SFXN4: variants seen among roughly 807,000 people sequenced by gnomAD.
The protein encoded by SFXN4 is sideroflexin 4.
In SFXN4, 48 loss-of-function variants were observed where a neutral mutation model predicts 54.6. The ratio of observed to expected loss-of-function variants is 0.88; its 90% confidence interval spans 0.70 to 1.12. The LOEUF (loss-of-function observed/expected upper bound fraction) is 1.12, where lower values mean the gene tolerates loss of function less well. Among genes scored for constraint, SFXN4 ranks in the 50% most tolerant of loss-of-function variants. The pLI is 0.00. For missense variants in SFXN4, 383 were observed against 409.2 expected, an observed-to-expected ratio of 0.94 and a Z score of 0.55; for synonymous variants, 130 against 145.5, an observed-to-expected ratio of 0.89 and a Z score of 0.77.
intron 3 of SFXN4, among the ~76,000 whole-genome samples, chr10:119,161,580 T>A (rs1285568131): frequency 6.6e-6 from 1 of 151,686 alleles, no homozygotes; most frequent in East Asian, 1.9e-4. Context: ...CAAATCAAAA[T>A]AAATGGATCA....
chr10:119,160,238 G>C (rs1003463320), intron 5 of SFXN4, among the ~76,000 whole-genome samples: 1 of 152,150 alleles, frequency 6.6e-6, no homozygotes, highest in Non-Finnish European at 1.5e-5. Flanking sequence ...GCCAGGCACA[G>C]TGGCTCACGC....
intron 11 of SFXN4, among the ~76,000 whole-genome samples, chr10:119,148,865 G>A (rs1302198076): frequency 6.6e-6 from 1 of 151,962 alleles, no homozygotes; most frequent in African/African-American, 2.4e-5. Flanking sequence ...GACAGCTCAC[G>A]TTAACTTTTT....
chr10:119,158,969 CA>C (rs1847397062), intron 6 of SFXN4, among the ~76,000 whole-genome samples: 1 of 151,884 alleles, frequency 6.6e-6, no homozygotes, highest in African/African-American at 2.4e-5. Context: ...GGCAACAGAG[CA>C]AGACCCTATT....
At chr10:119,142,395 G>C (rs1469564796) in intron 13 of SFXN4, among the ~76,000 whole-genome samples, 1 of 151,904 alleles carries the variant, frequency 6.6e-6, no homozygotes, top group African/African-American at 2.4e-5. Context: ...AAATGATAAA[G>C]ACCTTATCAT....
At chr10:119,146,154 A>C in intron 13 of SFXN4, 82 bp downstream of exon 13, 1 of 792,006 alleles carries the variant, frequency 1.3e-6, no homozygotes. Context: ...AACTTTGCAG[A>C]GTTTTAAGAA....
chr10:119,165,609 C>G lies in SFXN4; in HGVS notation c.39G>C (p.Arg13=), dbSNP rs201492747. The part of the protein sequence containing the change: ...LEQEEETQPG[R]LLGRRDAVPA... ...GGACGGCGTCTCTGCGTCCTAGGAG[C>G]CGCCCAGGTTGCGTTTCCTCCTCCT... Residue 13 remains arginine (R), a synonymous_variant, in exon 1 of 14, where the codon CGG becomes CGC. Transcript: ENST00000355697. 112 of 1,593,456 alleles carry G rather than the reference C, an allele frequency of 7.0e-5. No individual in the cohort carries two copies. Among genetic ancestry groups the G allele is most frequent in the Non-Finnish European group, 8.7e-5 (102 of 1,171,892 alleles).
At position 119,159,768 on chromosome 10, in the gene SFXN4, A is replaced by T; in HGVS notation, c.335-15T>A. ...AGGCAGGAACGCTGGCAGGAAGAGA[A>T]GAGAGGAGGTGTCAGTGATCACAGT... is the stretch of plus-strand genomic sequence containing the variant. On this transcript the variant is annotated splice_polypyrimidine_tract_variant and intron_variant, in intron 5 of 13. Transcript: ENST00000355697. The T allele has an allele frequency of 1.2e-6, 2 of 1,614,074 alleles. No individual in the cohort carries two copies. Among genetic ancestry groups the T allele is most frequent in the Non-Finnish European group, 8.5e-7 (1 of 1,179,994 alleles).
intron 6 of SFXN4, among the ~76,000 whole-genome samples, chr10:119,159,356 C>G (rs1220966744): frequency 6.6e-6 from 1 of 152,172 alleles, no homozygotes; most frequent in African/African-American, 2.4e-5. Flanking sequence ...AGGGACAATG[C>G]CAGGTCCCAG....
At chr10:119,153,632 C>T (rs1285426656) in intron 11 of SFXN4, among the ~76,000 whole-genome samples, 2 of 152,168 alleles carry the variant, frequency 1.3e-5, no homozygotes, top group African/African-American at 4.8e-5. Context: ...CCACTGACCT[C>T]TGTAAGTGCA....
In SFXN4 at chr10:119,165,676, C is replaced by G; in HGVS notation, c.-29G>C. 1 of 1,512,686 alleles carries G rather than the reference C, an allele frequency of 6.6e-7. No individual in the cohort carries two copies. The highest frequency in any genetic ancestry group is 8.8e-7 in the Non-Finnish European group (1 of 1,134,108). The allele number at this position is 1,512,686 out of a possible 1,614,324, so 93.7% of individuals were successfully genotyped here. A position where few individuals can be genotyped will look rare whatever the true frequency, so the allele number is the denominator to read the frequency against. On this transcript the variant is annotated 5_prime_UTR_variant, in exon 1 of 14. Coordinates refer to ENST00000355697, the MANE Select transcript of SFXN4 (RefSeq NM_213649.2). ...GCGCTGGTTAGAGTGGCCGCCGCCG[C>G]CAGGCCGCGCGTGGAGGAGGAGCCG... is the stretch of plus-strand genomic sequence containing the variant.
At chr10:119,143,926 TTC>T (rs1312667110) in intron 13 of SFXN4, among the ~76,000 whole-genome samples, 2 of 152,150 alleles carry the variant, frequency 1.3e-5, no homozygotes, top group African/African-American at 4.8e-5. Flanking sequence ...TGAAATTTTA[TTC>T]TGAGATGCTG....
intron 12 of SFXN4, among the ~76,000 whole-genome samples, chr10:119,146,961 G>T (rs980131870): frequency 1.4e-4 from 22 of 152,172 alleles, no homozygotes; most frequent in African/African-American, 5.3e-4. Context: ...CCCCAGGCAT[G>T]CGACCTAACT....
At chr10:119,164,758 C>T (rs1283649669) in intron 1 of SFXN4, among the ~76,000 whole-genome samples, 1 of 152,042 alleles carries the variant, frequency 6.6e-6, no homozygotes, top group Non-Finnish European at 1.5e-5. Context: ...ACCGCCCCTT[C>T]TCAATTTCCC....
chr10:119,163,899 G>T (rs1320821215), intron 2 of SFXN4, among the ~76,000 whole-genome samples: 2 of 151,926 alleles, frequency 1.3e-5, no homozygotes, highest in African/African-American at 2.4e-5. Context: ...AATTAGCCGG[G>T]CATGGTGGCG....
intron 12 of SFXN4, 47 bp from the exon 13 acceptor site, chr10:119,146,400 G>T: frequency 2.5e-6 from 3 of 1,194,414 alleles, no homozygotes; most frequent in African/African-American, 1.5e-5. Flanking sequence ...AACTATCAGG[G>T]CTTATTTTCT....
At chr10:119,161,926 G>A (rs1847566537) in intron 3 of SFXN4, among the ~76,000 whole-genome samples, 1 of 152,214 alleles carries the variant, frequency 6.6e-6, no homozygotes, top group African/African-American at 2.4e-5. Flanking sequence ...CATACTGCAA[G>A]GTAGATAAGG....
intron 11 of SFXN4, among the ~76,000 whole-genome samples, chr10:119,154,660 C>T (rs560210988): frequency 2.0e-5 from 3 of 152,044 alleles, no homozygotes; most frequent in East Asian, 1.9e-4. Flanking sequence ...GGTGAAACCC[C>T]GTCTCTATTA....
intron 13 of SFXN4, among the ~76,000 whole-genome samples, chr10:119,145,181 A>G (rs1337813049): frequency 6.6e-6 from 1 of 152,184 alleles, no homozygotes; most frequent in East Asian, 1.9e-4. Flanking sequence ...CCCCTGAGAC[A>G]GCAAGACCAA....
intron 3 of SFXN4, 66 bp from the exon 4 acceptor site, chr10:119,161,147 C>G: frequency 6.5e-7 from 1 of 1,548,636 alleles, no homozygotes; most frequent in South Asian, 1.1e-5. Flanking sequence ...AGGTCTTGCT[C>G]TGTCACCCAG....
Sources: allele counts gnomAD v4.1 joint callset (sites outside exome capture counted in the v4.1 genomes callset), GRCh38; gene constraint gnomAD v4.1.1; transcripts MANE v1.5; gene names NCBI Gene and HGNC (gene_info 2026-07-23, HGNC 2026-07-21).